LAMA1: variants seen among roughly 807,000 people sequenced by gnomAD.
LAMA1 encodes laminin subunit alpha 1.
LAMA1 carries 219 observed loss-of-function variants against 348.7 expected under a neutral mutation model. That is an observed-to-expected ratio of 0.63 (90% CI 0.56 to 0.70). The LOEUF (loss-of-function observed/expected upper bound fraction) is 0.70, where lower values mean the gene tolerates loss of function less well. Among genes scored for constraint, LAMA1 ranks in the 30% least tolerant of loss-of-function variants. The probability of loss-of-function intolerance (pLI) is 0.00; values close to 1 mark genes in which losing one functional copy is unlikely to be tolerated. For synonymous variants in LAMA1, 1,487 were observed against 1,491.0 expected (o/e 1.00, Z 0.06); for missense variants, 3,744 against 3,888.0 (o/e 0.96, Z 0.99).
chr18:7,067,405 C>G (rs1262625284), intron 3 of LAMA1, among the ~76,000 whole-genome samples: 2 of 150,514 alleles, frequency 1.3e-5, no homozygotes, highest in East Asian at 3.9e-4. Context: ...AAGCCAGACA[C>G]AAAAAAGGAC....
In LAMA1 at chr18:7,112,642, T is replaced by TA. The variant is rs1491334636; in HGVS notation, c.61+5017_61+5018insT. ...TATGTATTTTATATATATATATACA[T>TA]TTTTTTTTTTTGAGACAGAGTTTCA... On this transcript the variant is annotated intron_variant, in intron 1 of 62. Coordinates refer to ENST00000389658, the MANE Select transcript of LAMA1 (RefSeq NM_005559.4). Among the ~76,000 whole-genome samples the TA allele has an allele frequency of 2.7e-4, 5 of 18,210 alleles. No homozygotes were observed. In the Admixed American group the frequency reaches 3.8e-3, roughly 14 times the overall value. The allele number at this position is 18,210 out of a possible 152,430, so 11.9% of individuals were successfully genotyped here. A position where few individuals can be genotyped will look rare whatever the true frequency, so the allele number is the denominator to read the frequency against.
rs35419107 is a variant in LAMA1, at chr18:7,084,074, G to GAAAAAAAAAAAAA, written c.62-3630_62-3618dup. On this transcript the variant is annotated intron_variant, in intron 1 of 62. Coordinates refer to ENST00000389658, the MANE Select transcript of LAMA1 (RefSeq NM_005559.4). ...GGCAACAGAGTGAGATTCTGTCTCA[G>GAAAAAAAAAAAAA]AAAAAAAAAAAAAAAAAAAAAAAAA... Among the ~76,000 whole-genome samples, 2 of 49,706 alleles carry GAAAAAAAAAAAAA rather than the reference G, an allele frequency of 4.0e-5. 1 individual carries two copies. The highest frequency in any genetic ancestry group is 7.6e-5 in the Non-Finnish European group (2 of 26,438). The allele number at this position is 49,706 out of a possible 152,430, so 32.6% of individuals were successfully genotyped here.
intron 35 of LAMA1, 105 bp from the exon 36 acceptor site, chr18:6,992,825 G>A (rs1385272381): frequency 2.1e-6 from 2 of 959,814 alleles, no homozygotes; most frequent in Non-Finnish European, 3.2e-6. Context: ...GTTTACCTAA[G>A]CTGAGTTGGA....
intron 1 of LAMA1, among the ~76,000 whole-genome samples, chr18:7,080,809 G>A (rs1354614719): frequency 6.6e-6 from 1 of 151,954 alleles, no homozygotes; most frequent in Admixed American, 6.6e-5. Context: ...AGTAAGATTT[G>A]GGTAGATCCG....
intron 57 of LAMA1, chr18:6,954,864 C>T (rs2057567702): frequency 4.4e-6 from 1 of 224,824 alleles, no homozygotes; most frequent in African/African-American, 2.3e-5. Context: ...CCGGGAGCCC[C>T]AAGCTCCAGG....
chr18:7,038,760 T>C, intron 11 of LAMA1, 50 bp downstream of exon 11: 2 of 1,610,102 alleles, frequency 1.2e-6, no homozygotes. Flanking sequence ...GCCAAGCTTG[T>C]GCAATACGAC....
intron 19 of LAMA1, among the ~76,000 whole-genome samples, chr18:7,019,764 C>T (rs1326649098): frequency 2.7e-5 from 4 of 150,412 alleles, no homozygotes; most frequent in Non-Finnish European, 5.9e-5. Context: ...TCACTGCCAC[C>T]TCCGCCTCCC....
chr18:7,115,892 T>C (rs1207405114), intron 1 of LAMA1, among the ~76,000 whole-genome samples: 1 of 150,674 alleles, frequency 6.6e-6, no homozygotes, highest in Non-Finnish European at 1.5e-5. Context: ...TGAGGCAGAA[T>C]TGTTTGAACC....
intron 21 of LAMA1, 101 bp from the exon 22 acceptor site, chr18:7,015,959 C>T: frequency 7.1e-7 from 1 of 1,409,076 alleles, no homozygotes. Context: ...CCAAGCCACT[C>T]TTCTCACTCC....
At chr18:7,020,339 G>A (rs2057909851) in intron 19 of LAMA1, among the ~76,000 whole-genome samples, 1 of 152,128 alleles carries the variant, frequency 6.6e-6, no homozygotes, top group Non-Finnish European at 1.5e-5. Flanking sequence ...TGGGGGGTGA[G>A]GGGAAACAGA....
chr18:7,057,080 C>T (rs1012441136), intron 3 of LAMA1, among the ~76,000 whole-genome samples: 1 of 152,040 alleles, frequency 6.6e-6, no homozygotes, highest in African/African-American at 2.4e-5. Flanking sequence ...CCATATTGGC[C>T]AGGCTGGTCT....
intron 3 of LAMA1, among the ~76,000 whole-genome samples, chr18:7,074,760 T>C (rs1302385400): frequency 6.6e-6 from 1 of 152,094 alleles, no homozygotes; most frequent in Non-Finnish European, 1.5e-5. Flanking sequence ...TCTAAAATAC[T>C]GTGAATCAAT....
At chr18:7,074,025 G>C (rs1448520521) in intron 3 of LAMA1, among the ~76,000 whole-genome samples, 2 of 151,738 alleles carry the variant, frequency 1.3e-5, no homozygotes, top group Non-Finnish European at 2.9e-5. Context: ...AGTAGAGACA[G>C]GGTTTCACCA....
intron 16 of LAMA1, among the ~76,000 whole-genome samples, chr18:7,029,920 A>G (rs1005308088): frequency 6.6e-6 from 1 of 152,036 alleles, no homozygotes; most frequent in African/African-American, 2.4e-5. Flanking sequence ...CGCAAGGCCC[A>G]GGGCTATGAA....
Position 7,013,923 on chromosome 18 carries a change from G to A in LAMA1, c.3255C>T (p.Pro1085=), listed in dbSNP as rs375804587. ...DQCSLGYRDF[P]DCVPCDCDLR... is the part of the protein sequence containing the mutation. ...GGTCACAGTCACAGGGAACACAGTC[G>A]GGAAAGTCTCTGTAACCCAAGGAAC... is the stretch of plus-strand genomic sequence containing the variant. The change falls in exon 23 of 63, where the codon CCC becomes CCT. Residue 1085 remains proline (P), a synonymous_variant. Coordinates refer to ENST00000389658, the MANE Select transcript of LAMA1 (RefSeq NM_005559.4). 1.3e-5 allele frequency: 21 copies of A among 1,613,726 alleles called. No homozygotes were observed. The highest frequency in any genetic ancestry group is 2.2e-5 in the East Asian group (1 of 44,828).
At chr18:7,008,374 G>C (rs376133668) in intron 28 of LAMA1, 114 bp downstream of exon 28, 6 of 1,218,148 alleles carry the variant, frequency 4.9e-6, no homozygotes, top group South Asian at 4.2e-5. Context: ...AATTCAAAAA[G>C]AGAAAAAAAT....
intron 1 of LAMA1, 55 bp downstream of exon 1, chr18:7,117,604 GC>G (rs2058363103): frequency 3.2e-6 from 5 of 1,559,244 alleles, no homozygotes; most frequent in African/African-American, 1.4e-5. Context: ...GTCCGCGGCC[GC>G]CCCCGCCCGC....
intron 29 of LAMA1, among the ~76,000 whole-genome samples, chr18:7,005,319 G>A (rs914006488): frequency 3.3e-5 from 5 of 152,174 alleles, no homozygotes; most frequent in Non-Finnish European, 7.3e-5. Flanking sequence ...GCATGGTCAG[G>A]GGCACTGGCT....
At chr18:7,051,028 A>G in intron 3 of LAMA1, 92 bp from the exon 4 acceptor site, 1 of 1,502,596 alleles carries the variant, frequency 6.7e-7, no homozygotes, top group Non-Finnish European at 9.1e-7. Context: ...TAAAGGTAGA[A>G]TCTAAGATAG....
Sources: gnomAD v4.1 joint callset for allele counts (sites outside exome capture counted in the v4.1 genomes callset) on GRCh38, gnomAD v4.1.1 for gene constraint, MANE v1.5 for transcripts, NCBI Gene and HGNC (gene_info 2026-07-23, HGNC 2026-07-21) for gene names.